Variants in SYT9 observed in about 807,000 individuals in gnomAD.
The protein encoded by SYT9 is synaptotagmin-9.
In SYT9, 22 loss-of-function variants were observed where a neutral mutation model predicts 48.4. The ratio of observed to expected loss-of-function variants is 0.45; its 90% CI spans 0.32 to 0.65. The LOEUF (loss-of-function observed/expected upper bound fraction) is 0.65, where lower values mean the gene tolerates loss of function less well. SYT9 is among the 30% of genes least tolerant of loss of function. The pLI is 0.03. For synonymous variants in SYT9, 265 were observed against 245.0 expected, an observed-to-expected ratio of 1.08 and a Z score of -0.76; for missense variants, 577 against 622.0, an observed-to-expected ratio of 0.93 and a Z score of 0.77.
intron 3 of SYT9, among the ~76,000 whole-genome samples, chr11:7,381,901 A>G (rs957223807): frequency 1.3e-5 from 2 of 152,186 alleles, no homozygotes; most frequent in African/African-American, 4.8e-5. Context: ...GGAGCCTTCC[A>G]GCCACTGGTA....
chr11:7,403,120 A>G (rs780021788), intron 3 of SYT9, among the ~76,000 whole-genome samples: 1 of 152,202 alleles, frequency 6.6e-6, no homozygotes, highest in Middle Eastern at 3.2e-3. Context: ...GTCCTTGTCA[A>G]ATAGATATTT....
intron 3 of SYT9, among the ~76,000 whole-genome samples, chr11:7,320,823 G>A (rs897236267): frequency 6.6e-6 from 1 of 152,186 alleles, no homozygotes; most frequent in Non-Finnish European, 1.5e-5. Flanking sequence ...ACTGAAGCCA[G>A]ATCAATAATA....
chr11:7,257,497 A>C (rs1847995635), intron 1 of SYT9, among the ~76,000 whole-genome samples: 1 of 152,188 alleles, frequency 6.6e-6, no homozygotes, highest in African/African-American at 2.4e-5. Context: ...CACTTATTAG[A>C]AAATGTACAT....
chr11:7,357,409 A>C (rs1417464183), intron 3 of SYT9, among the ~76,000 whole-genome samples: 1 of 152,174 alleles, frequency 6.6e-6, no homozygotes, highest in African/African-American at 2.4e-5. Context: ...AGACAAAAAT[A>C]ATATTAATTT....
intron 3 of SYT9, among the ~76,000 whole-genome samples, chr11:7,322,761 G>T (rs1849359686): frequency 6.6e-6 from 1 of 152,104 alleles, no homozygotes; most frequent in African/African-American, 2.4e-5. Context: ...GCTGAAGAAA[G>T]AGAACATTAT....
At chr11:7,294,913 G>A (rs1282134559) in intron 1 of SYT9, among the ~76,000 whole-genome samples, 1 of 152,232 alleles carries the variant, frequency 6.6e-6, no homozygotes, top group Non-Finnish European at 1.5e-5. Context: ...CAGCTGAATA[G>A]CATTGTGGTC....
chr11:7,368,981 C>A (rs1011175994), intron 3 of SYT9, among the ~76,000 whole-genome samples: 5 of 152,140 alleles, frequency 3.3e-5, no homozygotes, highest in African/African-American at 9.7e-5. Context: ...GATTTATAAT[C>A]CTTTGGGTAT....
At chr11:7,452,797 T>G (rs1457565084) in intron 6 of SYT9, among the ~76,000 whole-genome samples, 2 of 152,042 alleles carry the variant, frequency 1.3e-5, no homozygotes, top group Admixed American at 1.3e-4. Context: ...AACTCCTTTT[T>G]ATGAGGTGAG....
At chr11:7,339,818 T>A (rs1021534230) in intron 3 of SYT9, among the ~76,000 whole-genome samples, 1 of 152,206 alleles carries the variant, frequency 6.6e-6, no homozygotes, top group African/African-American at 2.4e-5. Flanking sequence ...TTGGAAAATC[T>A]GATGATTATG....
chr11:7,374,377 C>T (rs1325285278), intron 3 of SYT9, among the ~76,000 whole-genome samples: 3 of 152,140 alleles, frequency 2.0e-5, no homozygotes, highest in Non-Finnish European at 4.4e-5. Flanking sequence ...CTGCAACAAA[C>T]ATACGTGTGC....
chr11:7,275,683 T>C (rs1436830511), intron 1 of SYT9, among the ~76,000 whole-genome samples: 2 of 152,192 alleles, frequency 1.3e-5, no homozygotes, highest in Non-Finnish European at 2.9e-5. Context: ...CCTGTATATC[T>C]AGCCACCTCC....
chr11:7,389,341 G>A (rs1371112534), intron 3 of SYT9, among the ~76,000 whole-genome samples: 1 of 152,116 alleles, frequency 6.6e-6, no homozygotes, highest in African/African-American at 2.4e-5. Context: ...CACCTTGTGT[G>A]ACCTTCTGTA....
intron 3 of SYT9, among the ~76,000 whole-genome samples, chr11:7,372,612 T>G (rs964473921): frequency 6.6e-6 from 1 of 152,290 alleles, no homozygotes; most frequent in East Asian, 1.9e-4. Flanking sequence ...CAAGCACTCC[T>G]TTTTTCCCCA....
At chr11:7,426,953 C>A (rs1590020736) in intron 6 of SYT9, among the ~76,000 whole-genome samples, 1 of 152,180 alleles carries the variant, frequency 6.6e-6, no homozygotes, top group African/African-American at 2.4e-5. Context: ...TCATAGGAGA[C>A]TAGCTGATCA....
At chr11:7,440,974 CAGG>C (rs1177551520) in intron 6 of SYT9, 1 of 152,206 alleles carries the variant, frequency 6.6e-6, no homozygotes, top group Non-Finnish European at 1.5e-5. Context: ...GGTTCCAGGA[CAGG>C]AGGTTTCCAG....
Position 7,291,574 on chromosome 11 carries a change from A to C in SYT9, c.146-11465A>C, listed in dbSNP as rs78791345. Among the ~76,000 whole-genome samples the C allele has an allele frequency of 6.6e-5, 10 of 152,230 alleles. No individual in the cohort carries two copies. The East Asian group carries it at 1.7e-3, about 26-fold the overall frequency. On this transcript the variant is annotated intron_variant, in intron 1 of 6. Coordinates refer to ENST00000318881, the MANE Select transcript of SYT9 (RefSeq NM_175733.4). The stretch of plus-strand genomic sequence containing the variant: ...CACCAGGGGCTCTGCTCCTTCTTTC[A>C]AGAACTATGAGAAGGCTCTAGGGAG...
At chr11:7,426,350 G>T (rs1391901587) in intron 6 of SYT9, among the ~76,000 whole-genome samples, 1 of 152,116 alleles carries the variant, frequency 6.6e-6, no homozygotes, top group Non-Finnish European at 1.5e-5. Context: ...CCCCACATCA[G>T]CTGTTGAAGT....
intron 3 of SYT9, among the ~76,000 whole-genome samples, chr11:7,320,250 A>G (rs1487332473): frequency 2.0e-5 from 3 of 152,186 alleles, no homozygotes; most frequent in African/African-American, 7.2e-5. Flanking sequence ...GTGCAGGAAA[A>G]GGTGGCTCAA....
At chr11:7,392,743 A>T (rs1441776402) in intron 3 of SYT9, among the ~76,000 whole-genome samples, 1 of 152,122 alleles carries the variant, frequency 6.6e-6, no homozygotes, top group Non-Finnish European at 1.5e-5. Context: ...TGAGCATGGA[A>T]TATTTTTTCA....
Sources: gnomAD v4.1 joint callset for allele counts (sites outside exome capture counted in the v4.1 genomes callset) on GRCh38, gnomAD v4.1.1 for gene constraint, MANE v1.5 for transcripts, NCBI Gene and HGNC (gene_info 2026-07-23, HGNC 2026-07-21) for gene names.